Variants in FER1L6 observed in about 807,000 individuals in gnomAD.
FER1L6 encodes the protein fer-1 like family member 6, also known as fer-1-like protein 6.
Under a neutral mutation model 219.2 loss-of-function variants are expected in FER1L6, and 177 were observed. The ratio of observed to expected loss-of-function variants is 0.81; its 90% CI spans 0.71 to 0.91. FER1L6 has a LOEUF of 0.91. FER1L6 is among the 40% of genes least tolerant of loss of function. The pLI is 0.00. For synonymous variants in FER1L6, 768 were observed against 824.3 expected (o/e 0.93, Z 1.17); for missense variants, 2,153 against 2,259.9 (o/e 0.95, Z 0.96).
chr8:123,982,998 A>G (rs189216079), intron 11 of FER1L6, among the ~76,000 whole-genome samples: 1 of 152,350 alleles, frequency 6.6e-6, no homozygotes, highest in African/African-American at 2.4e-5. Flanking sequence ...TTTGTTAGAA[A>G]TGAATCATTT....
chr8:123,904,224 TTGTGTGTGTGTGTG>T (rs56224402), intron 1 of FER1L6, among the ~76,000 whole-genome samples: 28 of 139,482 alleles, frequency 2.0e-4, no homozygotes, highest in East Asian at 6.3e-4. Flanking sequence ...CTCTGTATAT[TTGTGTGTGTGTGTG>T]TGTGTGTGTG....
At chr8:123,941,359 A>G (rs1292669368) in intron 1 of FER1L6, among the ~76,000 whole-genome samples, 1 of 152,144 alleles carries the variant, frequency 6.6e-6, no homozygotes, top group Non-Finnish European at 1.5e-5. Context: ...GACAGTGTTA[A>G]CCAGAGAAAG....
intron 1 of FER1L6, among the ~76,000 whole-genome samples, chr8:123,861,904 A>T (rs200376530): frequency 6.5e-5 from 7 of 108,308 alleles, no homozygotes; most frequent in Middle Eastern, 4.3e-3. Flanking sequence ...TTTCTAGATA[A>T]ACAATCATGT....
chr8:124,043,682 T>C (rs1819601821), intron 20 of FER1L6, among the ~76,000 whole-genome samples: 1 of 152,076 alleles, frequency 6.6e-6, no homozygotes, highest in African/African-American at 2.4e-5. Context: ...AGAGTCTATA[T>C]TCATCATCAC....
intron 12 of FER1L6, among the ~76,000 whole-genome samples, chr8:123,988,114 CA>C (rs1200130926): frequency 7.5e-4 from 106 of 141,216 alleles, no homozygotes; most frequent in Admixed American, 2.8e-3. Flanking sequence ...CAGCATGTCT[CA>C]AAAAAAAAAA....
chr8:123,856,316 GTATATA>G lies in FER1L6; in HGVS notation c.-8+4159_-8+4164del, dbSNP rs1554608009. On this transcript the variant is annotated intron_variant, in intron 1 of 40. Transcript: ENST00000522917. ...TGTATATATATATATATATGTATGT[GTATATA>G]TATATATATATATATATATATATAT... is the stretch of plus-strand genomic sequence containing the variant. 4.0e-4 allele frequency among the ~76,000 whole-genome samples: 18 copies of G among 45,088 alleles called. 3 individuals are homozygous for G. Among genetic ancestry groups the G allele is most frequent in the Admixed American group, 2.0e-3 (9 of 4,416 alleles). The allele number at this position is 45,088 out of a possible 152,430, so 29.6% of individuals were successfully genotyped here.
At chr8:124,108,010 A>G (rs955430702) in intron 39 of FER1L6, among the ~76,000 whole-genome samples, 1 of 152,262 alleles carries the variant, frequency 6.6e-6, no homozygotes, top group Admixed American at 6.5e-5. Context: ...AGTAATAATG[A>G]GAGGGGTGGA....
rs540137748 is a variant in FER1L6, at chr8:123,859,548, C to CTTT, written c.-8+7378_-8+7380dup. Among the ~76,000 whole-genome samples the CTTT allele has an allele frequency of 6.9e-3, 919 of 134,082 alleles. 17 individuals are homozygous for CTTT. Among genetic ancestry groups the CTTT allele is most frequent in the African/African-American group, 0.023 (837 of 36,284 alleles). The allele number at this position is 134,082 out of a possible 152,430, so 88.0% of individuals were successfully genotyped here. A position where few individuals can be genotyped will look rare whatever the true frequency, so the allele number is the denominator to read the frequency against. ...TCGTAACCACCTTTCTGCTCTGTTT[C>CTTT]TTTTTTTTTTTTTTTTTAATACTTT... On this transcript the variant is annotated intron_variant, in intron 1 of 40. Transcript: ENST00000522917.
At chr8:123,896,083 A>G (rs181724187) in intron 1 of FER1L6, among the ~76,000 whole-genome samples, 44 of 152,270 alleles carry the variant, frequency 2.9e-4, no homozygotes, top group Admixed American at 2.6e-3. Context: ...AGGAAGAGCA[A>G]GTGCTGTCCG....
At chr8:124,095,369 G>A (rs1162433421) in intron 35 of FER1L6, among the ~76,000 whole-genome samples, 3 of 152,212 alleles carry the variant, frequency 2.0e-5, no homozygotes, top group Non-Finnish European at 4.4e-5. Context: ...AGTTACCAAA[G>A]TCTTTTGGAA....
At chr8:123,920,284 C>T (rs891478501) in intron 1 of FER1L6, among the ~76,000 whole-genome samples, 4 of 152,168 alleles carry the variant, frequency 2.6e-5, no homozygotes, top group Admixed American at 2.0e-4. Context: ...GGATGGGAAA[C>T]GAAGTTCCTG....
In FER1L6 at chr8:123,922,674, A is replaced by G. The variant is rs146428112; in HGVS notation, c.-7-33318A>G. On this transcript the variant is annotated intron_variant, in intron 1 of 40. Coordinates refer to ENST00000522917, the MANE Select transcript of FER1L6 (RefSeq NM_001039112.2). Reference sequence around the variant, plus strand: ...TGGAAATCCTCCACGTCCCTTTGCCAAGAGAAACTGACATGTTTCTGGACT... The same window carrying G: ...TGGAAATCCTCCACGTCCCTTTGCCGAGAGAAACTGACATGTTTCTGGACT... Among the ~76,000 whole-genome samples, 17 of 152,330 alleles carry G rather than the reference A, an allele frequency of 1.1e-4. No homozygotes were observed. The East Asian group carries it at 3.3e-3, about 29-fold the overall frequency.
rs749596376 is a variant in FER1L6 at position 124,045,934 on chromosome 8, C to G, written c.2724+33C>G. ...TCCCCCTGGGCCAGTGCTGACCACA[C>G]CTCATAAAAAATGCCACGTTGAACT... On this transcript the variant is annotated intron_variant, in intron 21 of 40. Coordinates refer to ENST00000522917, the MANE Select transcript of FER1L6 (RefSeq NM_001039112.2). 8.1e-6 allele frequency: 13 copies of G among 1,604,650 alleles called. No homozygotes were observed. In the East Asian group the frequency reaches 2.9e-4, roughly 36 times the overall value.
At chr8:124,026,736 G>A (rs1287767644) in intron 18 of FER1L6, among the ~76,000 whole-genome samples, 2 of 151,780 alleles carry the variant, frequency 1.3e-5, no homozygotes, top group Admixed American at 1.3e-4. Flanking sequence ...GTTGCAGACA[G>A]AAGGGCCCTA....
At chr8:124,067,856 C>T (rs376865048) in intron 28 of FER1L6, 50 bp downstream of exon 28, 157 of 1,513,350 alleles carry the variant, frequency 1.0e-4, no homozygotes, top group East Asian at 2.9e-4. Flanking sequence ...GCCATCGTTA[C>T]GAGAAAATTG....
At position 124,101,214 on chromosome 8, in the gene FER1L6, G is replaced by A; in HGVS notation, c.5001G>A (p.Glu1667=). The A allele has an allele frequency of 6.2e-7, 1 of 1,613,912 alleles. No homozygotes were observed. The highest frequency in any genetic ancestry group is 8.5e-7 in the Non-Finnish European group (1 of 1,179,982). ...TTCCCTTTCAGTATCTCCCAGCTGA[G>A]AAGCAAATGGTCATTACCAAGAGGG... ...FLFPFQYLPA[E]KQMVITKREN... is the part of the protein sequence containing the mutation. The change falls in exon 38 of 41, where the codon GAG becomes GAA. Residue 1667 remains glutamate, a synonymous_variant. Transcript: ENST00000522917.
At chr8:124,093,309 C>T (rs1029740294) in intron 34 of FER1L6, among the ~76,000 whole-genome samples, 4 of 151,962 alleles carry the variant, frequency 2.6e-5, no homozygotes, top group Admixed American at 2.0e-4. Context: ...CAGACCCAAA[C>T]CATATCACTT....
At chr8:123,918,764 C>T (rs1164637737) in intron 1 of FER1L6, among the ~76,000 whole-genome samples, 1 of 152,142 alleles carries the variant, frequency 6.6e-6, no homozygotes, top group East Asian at 1.9e-4. Flanking sequence ...ACTGACCTTG[C>T]TTTGGCGTTC....
intron 22 of FER1L6, among the ~76,000 whole-genome samples, chr8:124,054,822 T>C (rs1268510559): frequency 6.6e-6 from 1 of 152,178 alleles, no homozygotes. Flanking sequence ...GTAAGGACTT[T>C]GGCTTTTATT....
Sources: allele counts gnomAD v4.1 joint callset (sites outside exome capture counted in the v4.1 genomes callset), GRCh38; gene constraint gnomAD v4.1.1; transcripts MANE v1.5; gene names NCBI Gene and HGNC (gene_info 2026-07-23, HGNC 2026-07-21).